PHACTR1: variants seen among roughly 807,000 people sequenced by gnomAD.
The protein encoded by PHACTR1 is phosphatase and actin regulator 1, also known as RPEL repeat containing 1.
Under a neutral mutation model 69.2 loss-of-function variants are expected in PHACTR1, and 16 were observed. The observed-to-expected ratio is 0.23, with a 90% CI of 0.16 to 0.35. The LOEUF (loss-of-function observed/expected upper bound fraction) is 0.35. Ranked by LOEUF, PHACTR1 falls within the 10% of genes least tolerant of loss-of-function variation. The pLI is 1.00. For missense variants in PHACTR1, 510 were observed against 734.7 expected, an observed-to-expected ratio of 0.69 and a Z score of 3.54; for synonymous variants, 312 against 284.5, an observed-to-expected ratio of 1.10 and a Z score of -0.97.
Position 13,205,965 on chromosome 6 carries a change from C to T in PHACTR1, c.815C>T (p.Ala272Val). The T allele has an allele frequency of 6.2e-7, 1 of 1,614,036 alleles. No individual in the cohort carries two copies. The highest frequency in any genetic ancestry group is 2.2e-5 in the East Asian group (1 of 44,888). ...TAQKSGQQGV[A>V]QHHHTVLPSQ... is the part of the protein sequence containing the mutation. ...CAGAAGAGTGGCCAGCAGGGTGTGG[C>T]CCAGCACCACCACACTGTCCTGCCC... Residue 272 changes from alanine to valine, a missense_variant, in exon 8 of 15, where the codon GCC (alanine) becomes GTC (valine). Coordinates refer to ENST00000332995, the MANE Select transcript of PHACTR1 (RefSeq NM_030948.6).
chr6:12,990,667 C>T (rs1017482381), intron 4 of PHACTR1, among the ~76,000 whole-genome samples: 1 of 152,178 alleles, frequency 6.6e-6, no homozygotes, highest in African/African-American at 2.4e-5. Flanking sequence ...AGTGGTAGGT[C>T]AGGGTGACAG....
intron 4 of PHACTR1, among the ~76,000 whole-genome samples, chr6:12,935,170 C>T (rs866456331): frequency 3.3e-5 from 5 of 152,150 alleles, no homozygotes; most frequent in South Asian, 2.1e-4. Context: ...ATGTGTGAAC[C>T]AAACACCTCC....
chr6:13,161,692 A>T (rs1233222186), intron 6 of PHACTR1, among the ~76,000 whole-genome samples: 1 of 151,982 alleles, frequency 6.6e-6, no homozygotes, highest in East Asian at 1.9e-4. Flanking sequence ...TTCAGACTCC[A>T]CTGTTTTGTG....
At chr6:13,173,047 G>A (rs528596255) in intron 6 of PHACTR1, among the ~76,000 whole-genome samples, 2 of 152,312 alleles carry the variant, frequency 1.3e-5, no homozygotes, top group African/African-American at 4.8e-5. Context: ...TGAAAATATA[G>A]GTTCCCTGGT....
At chr6:12,746,060 A>C (rs1367895306) in intron 3 of PHACTR1, among the ~76,000 whole-genome samples, 1 of 152,228 alleles carries the variant, frequency 6.6e-6, no homozygotes, top group East Asian at 1.9e-4. Context: ...TCCTTTGTAT[A>C]GGGTAACAGG....
intron 8 of PHACTR1, among the ~76,000 whole-genome samples, chr6:13,206,974 A>G (rs1766026055): frequency 6.6e-6 from 1 of 152,112 alleles, no homozygotes; most frequent in Admixed American, 6.5e-5. Context: ...AATGACATTG[A>G]ATGAAATGAC....
intron 4 of PHACTR1, among the ~76,000 whole-genome samples, chr6:12,941,706 G>A (rs893448042): frequency 6.6e-6 from 1 of 152,100 alleles, no homozygotes; most frequent in African/African-American, 2.4e-5. Context: ...GGCGAGCCTC[G>A]AAGCAGCATG....
chr6:12,940,069 CT>C (rs940955234), intron 4 of PHACTR1, among the ~76,000 whole-genome samples: 2 of 152,158 alleles, frequency 1.3e-5, no homozygotes, highest in South Asian at 4.2e-4. Context: ...CATTTCCCCC[CT>C]GCTGTTAGTT....
At chr6:13,007,514 C>T (rs1451171712) in intron 4 of PHACTR1, among the ~76,000 whole-genome samples, 4 of 152,118 alleles carry the variant, frequency 2.6e-5, no homozygotes, top group African/African-American at 9.7e-5. Context: ...GAATAAGAGT[C>T]TTCCTTGGAT....
At chr6:13,035,411 A>G (rs1013779229) in intron 4 of PHACTR1, among the ~76,000 whole-genome samples, 14 of 136,280 alleles carry the variant, frequency 1.0e-4, no homozygotes, top group Non-Finnish European at 1.9e-4. Flanking sequence ...TAAATATTCC[A>G]GAAAAGTTCT....
chr6:13,285,625 C>T (rs1781518847), intron 13 of PHACTR1, among the ~76,000 whole-genome samples: 1 of 152,156 alleles, frequency 6.6e-6, no homozygotes, highest in African/African-American at 2.4e-5. Context: ...AAATGTATCT[C>T]ACATGGTGAA....
intron 4 of PHACTR1, among the ~76,000 whole-genome samples, chr6:13,039,900 C>G (rs1050407262): frequency 6.6e-6 from 1 of 152,116 alleles, no homozygotes; most frequent in African/African-American, 2.4e-5. Context: ...ATCTTTTTAA[C>G]TTTTGAGCTT....
chr6:12,967,926 G>A (rs1467332116), intron 4 of PHACTR1, among the ~76,000 whole-genome samples: 1 of 152,244 alleles, frequency 6.6e-6, no homozygotes, highest in Non-Finnish European at 1.5e-5. Context: ...AAAACAGGAA[G>A]TTCCGTTTTG....
In PHACTR1 at chr6:13,231,137, GAGAA is replaced by G. The variant is rs756312803; in HGVS notation, c.1391+953_1391+956del. 1.4e-3 allele frequency among the ~76,000 whole-genome samples: 198 copies of G among 143,670 alleles called. 8 individuals are homozygous for G. The highest frequency in any genetic ancestry group is 5.0e-3 in the African/African-American group (187 of 37,418). The allele number at this position is 143,670 out of a possible 152,430, so 94.3% of individuals were successfully genotyped here. The stretch of plus-strand genomic sequence containing the variant: ...GGAAAGAGAGAAAGAAAGAAGGAAA[GAGAA>G]AGAAAGAAGGAAAGAGAAAGAGCGA... On this transcript the variant is annotated intron_variant, in intron 10 of 14. Transcript: ENST00000332995.
At chr6:13,220,033 C>A (rs954440562) in intron 8 of PHACTR1, among the ~76,000 whole-genome samples, 1 of 152,080 alleles carries the variant, frequency 6.6e-6, no homozygotes, top group Non-Finnish European at 1.5e-5. Context: ...AATAACAATA[C>A]CCTTCTTAAC....
At chr6:13,025,832 T>A (rs1801629157) in intron 4 of PHACTR1, among the ~76,000 whole-genome samples, 1 of 152,128 alleles carries the variant, frequency 6.6e-6, no homozygotes, top group Non-Finnish European at 1.5e-5. Context: ...ATTTTTAGAT[T>A]CAAATTATTT....
intron 4 of PHACTR1, among the ~76,000 whole-genome samples, chr6:12,949,033 G>A (rs1047715734): frequency 6.6e-6 from 1 of 152,110 alleles, no homozygotes; most frequent in South Asian, 2.1e-4. Flanking sequence ...CACTTTTGGA[G>A]GCCGAGGCGG....
intron 6 of PHACTR1, among the ~76,000 whole-genome samples, chr6:13,167,987 A>T (rs886404159): frequency 2.6e-5 from 4 of 152,218 alleles, no homozygotes; most frequent in Non-Finnish European, 5.9e-5. Flanking sequence ...CTTAAATCCC[A>T]TAGTTTATCT....
At chr6:13,092,958 A>C (rs1345267933) in intron 5 of PHACTR1, among the ~76,000 whole-genome samples, 2 of 152,208 alleles carry the variant, frequency 1.3e-5, no homozygotes, top group Non-Finnish European at 2.9e-5. Context: ...AGGCATCTAG[A>C]GGAGATTATG....
Sources: gnomAD v4.1 joint callset for allele counts (sites outside exome capture counted in the v4.1 genomes callset) on GRCh38, gnomAD v4.1.1 for gene constraint, MANE v1.5 for transcripts, NCBI Gene and HGNC (gene_info 2026-07-23, HGNC 2026-07-21) for gene names.